Variants in P2RY8 observed in about 807,000 individuals in gnomAD.
The protein encoded by P2RY8 is S-geranylgeranyl-glutathione receptor P2RY8.
In P2RY8, 6 loss-of-function variants were observed where a neutral mutation model predicts 10.0. That is an observed-to-expected ratio of 0.60 (90% confidence interval 0.33 to 1.19). P2RY8 has a LOEUF of 1.19. Ranked by LOEUF, P2RY8 falls within the 50% of genes most tolerant of loss-of-function variation. P2RY8 has a pLI of 0.04. For synonymous variants in P2RY8, 276 were observed against 252.5 expected, an observed-to-expected ratio of 1.09 and a Z score of -0.88; for missense variants, 456 against 542.0, an observed-to-expected ratio of 0.84 and a Z score of 1.58.
intron 1 of P2RY8, among the ~76,000 whole-genome samples, chrX:1,524,545 CCATCCATGCATG>C (rs2092419471): frequency 1.6e-5 from 2 of 128,444 alleles, no homozygotes; most frequent in African/African-American, 2.9e-5. Context: ...ATCCATCCAT[CCATCCATGCATG>C]CATCCATCCA....
intron 1 of P2RY8, among the ~76,000 whole-genome samples, chrX:1,487,227 A>G (rs1479305272): frequency 6.6e-6 from 1 of 152,024 alleles, no homozygotes; most frequent in African/African-American, 2.4e-5. Flanking sequence ...GCATTGTTTC[A>G]ATTTCCTCCT....
intron 1 of P2RY8, among the ~76,000 whole-genome samples, chrX:1,515,123 C>T (rs769816792): frequency 1.3e-5 from 2 of 151,336 alleles, no homozygotes; most frequent in African/African-American, 4.9e-5. Context: ...GTTGCCCAGG[C>T]TGGTCTCGAA....
At chrX:1,491,641 A>AAATG (rs1246833636) in intron 1 of P2RY8, among the ~76,000 whole-genome samples, 1 of 152,008 alleles carries the variant, frequency 6.6e-6, no homozygotes. Context: ...GCAAATGAGT[A>AAATG]AATGAATGAA....
chrX:1,503,151 C>T (rs1242583766), intron 1 of P2RY8, among the ~76,000 whole-genome samples: 1 of 151,600 alleles, frequency 6.6e-6, no homozygotes, highest in Non-Finnish European at 1.5e-5. Flanking sequence ...GAGACAGAGC[C>T]TGGAATGACG....
At chrX:1,499,959 C>A (rs5989770) in intron 1 of P2RY8, among the ~76,000 whole-genome samples, 2 of 140,210 alleles carry the variant, frequency 1.4e-5, no homozygotes, top group Non-Finnish European at 3.2e-5. Context: ...CCCGGGTTCC[C>A]GCCATTCTCC....
intron 1 of P2RY8, among the ~76,000 whole-genome samples, chrX:1,523,722 G>A (rs1261363817): frequency 1.3e-5 from 2 of 152,160 alleles, no homozygotes; most frequent in African/African-American, 2.4e-5. Context: ...TCCCTCTGTC[G>A]TCCAGCCTGG....
intron 1 of P2RY8, among the ~76,000 whole-genome samples, chrX:1,471,632 A>T (rs2091788747): frequency 6.6e-6 from 1 of 152,038 alleles, no homozygotes. Context: ...GCTATTGTGC[A>T]TAAAGCTGCT....
At position 1,464,801 on chromosome X, in the gene P2RY8, G is replaced by T; in HGVS notation, c.*678C>A. ...CAACAGGGTGGGGTGTGTGTGTGGG[G>T]GGAAGTGGGCACGGAGAGTAGCTGA... is the stretch of plus-strand genomic sequence containing the variant. On this transcript the variant is annotated 3_prime_UTR_variant, in exon 2 of 2. Coordinates refer to ENST00000381297, the MANE Select transcript of P2RY8 (RefSeq NM_178129.5). 4.3e-6 allele frequency: 1 copy of T among 233,576 alleles called. No homozygotes were observed. Among genetic ancestry groups the T allele is most frequent in the African/African-American group, 2.2e-5 (1 of 45,410 alleles). The allele number at this position is 233,576 out of a possible 1,614,324, so 14.5% of individuals were successfully genotyped here. A position where few individuals can be genotyped will look rare whatever the true frequency, so the allele number is the denominator to read the frequency against.
chrX:1,498,828 G>A (rs1211966330), intron 1 of P2RY8, among the ~76,000 whole-genome samples: 6 of 150,586 alleles, frequency 4.0e-5, no homozygotes, highest in South Asian at 2.1e-4. Flanking sequence ...GCGAACCACC[G>A]CACCTGGCCC....
At chrX:1,524,557 G>T (rs867020938) in intron 1 of P2RY8, among the ~76,000 whole-genome samples, 7 of 64,944 alleles carry the variant, frequency 1.1e-4, no homozygotes, top group Admixed American at 1.6e-4. Context: ...ATCCATGCAT[G>T]CATCCATCCA....
chrX:1,479,156 T>C (rs1192860854), intron 1 of P2RY8, among the ~76,000 whole-genome samples: 1 of 152,256 alleles, frequency 6.6e-6, no homozygotes, highest in African/African-American at 2.4e-5. Context: ...TGTTTGTCTT[T>C]GGATCTTTCC....
At chrX:1,510,878 C>CAAAAAG (rs1160739882) in intron 1 of P2RY8, among the ~76,000 whole-genome samples, 41 of 148,978 alleles carry the variant, frequency 2.8e-4, no homozygotes, top group Admixed American at 2.7e-3. Context: ...GACTCCGTCT[C>CAAAAAG]AAAAAGAAAA....
intron 1 of P2RY8, among the ~76,000 whole-genome samples, chrX:1,494,793 C>T (rs780183523): frequency 6.6e-6 from 1 of 152,300 alleles, no homozygotes; most frequent in South Asian, 2.1e-4. Context: ...GTCACTTCCT[C>T]CTCCCAGGTT....
At chrX:1,505,721 C>T (rs1364120649) in intron 1 of P2RY8, among the ~76,000 whole-genome samples, 14 of 151,870 alleles carry the variant, frequency 9.2e-5, no homozygotes, top group African/African-American at 3.4e-4. Context: ...ACCAGGGAGG[C>T]GGAGGTTGCA....
At position 1,536,054 on chromosome X, in the gene P2RY8, G is replaced by A. The variant is rs186886672; in HGVS notation, c.-25+867C>T. ...AGGCACCCATAGGGCTTTAAAACCC[G>A]TTTAATTTATGCTTACTCTTCCATT... On this transcript the variant is annotated intron_variant, in intron 1 of 1. Transcript: ENST00000381297. 1.4e-3 allele frequency among the ~76,000 whole-genome samples: 209 copies of A among 152,128 alleles called. 1 individual carries two copies. Among genetic ancestry groups the A allele is most frequent in the South Asian group, 1.7e-3 (8 of 4,824 alleles).
intron 1 of P2RY8, among the ~76,000 whole-genome samples, chrX:1,532,899 A>T (rs1170585008): frequency 4.8e-5 from 7 of 146,560 alleles, no homozygotes; most frequent in Non-Finnish European, 9.0e-5. Flanking sequence ...ACTCAGGAGG[A>T]GGCTGAGGCA....
intron 1 of P2RY8, among the ~76,000 whole-genome samples, chrX:1,509,091 G>GTATCTATGTATC (rs1402299536): frequency 6.6e-4 from 85 of 128,512 alleles, no homozygotes; most frequent in East Asian, 1.5e-3. Flanking sequence ...ATCTATCTAT[G>GTATCTATGTATC]TATCTATGTA....
chrX:1,510,498 A>C (rs772997704), intron 1 of P2RY8, among the ~76,000 whole-genome samples: 1 of 152,212 alleles, frequency 6.6e-6, no homozygotes, highest in East Asian at 1.9e-4. Flanking sequence ...AATTTCAGCC[A>C]CTTTCTCCTG....
At chrX:1,521,969 T>TTTTTTA (rs2092395750) in intron 1 of P2RY8, among the ~76,000 whole-genome samples, 6 of 139,686 alleles carry the variant, frequency 4.3e-5, no homozygotes, top group East Asian at 2.1e-4. Flanking sequence ...TTTTTTTTTT[T>TTTTTTA]GAGATGGAGT....
Sources: allele counts gnomAD v4.1 joint callset (sites outside exome capture counted in the v4.1 genomes callset), GRCh38; gene constraint gnomAD v4.1.1; transcripts MANE v1.5; gene names NCBI Gene and HGNC (gene_info 2026-07-23, HGNC 2026-07-21).